The following GPC5 variants were observed in gnomAD, a reference collection of about 807,000 sequenced individuals.
GPC5 encodes the protein glypican 5, also known as glypican-5.
GPC5 carries 47 observed loss-of-function variants against 53.9 expected under a neutral mutation model. The ratio of observed to expected loss-of-function variants is 0.87; its 90% confidence interval spans 0.69 to 1.11. GPC5 has a LOEUF of 1.11. Ranked by LOEUF, GPC5 falls within the 50% of genes most tolerant of loss-of-function variation. The pLI is 0.00. For missense variants in GPC5, 748 were observed against 713.1 expected, an observed-to-expected ratio of 1.05 and a Z score of -0.56; for synonymous variants, 286 against 263.3, an observed-to-expected ratio of 1.09 and a Z score of -0.84.
chr13:91,568,939 C>T (rs1238177179), intron 2 of GPC5, among the ~76,000 whole-genome samples: 1 of 151,932 alleles, frequency 6.6e-6, no homozygotes, highest in Non-Finnish European at 1.5e-5. Flanking sequence ...GTAGTAGAAA[C>T]AGGGTTTTAC....
intron 7 of GPC5, among the ~76,000 whole-genome samples, chr13:92,219,898 C>A (rs1192695521): frequency 1.3e-5 from 2 of 152,080 alleles, no homozygotes; most frequent in African/African-American, 4.8e-5. Context: ...GCTCCTTAAG[C>A]CCCTATGCTT....
intron 4 of GPC5, among the ~76,000 whole-genome samples, chr13:91,744,243 C>G (rs1279305545): frequency 6.6e-6 from 1 of 151,994 alleles, no homozygotes; most frequent in East Asian, 1.9e-4. Context: ...GGTAACTATA[C>G]ATTAATTATT....
At chr13:91,540,641 A>G (rs1299621007) in intron 2 of GPC5, among the ~76,000 whole-genome samples, 1 of 152,232 alleles carries the variant, frequency 6.6e-6, no homozygotes, top group African/African-American at 2.4e-5. Context: ...AAGCAGTTAC[A>G]TATCTAAGAA....
chr13:92,203,078 A>G (rs2042306391), intron 7 of GPC5, among the ~76,000 whole-genome samples: 1 of 152,192 alleles, frequency 6.6e-6, no homozygotes, highest in Non-Finnish European at 1.5e-5. Flanking sequence ...TTGATGACAA[A>G]CTGGATGTGG....
At chr13:92,792,034 G>C (rs1244674559) in intron 7 of GPC5, among the ~76,000 whole-genome samples, 1 of 152,038 alleles carries the variant, frequency 6.6e-6, no homozygotes, top group African/African-American at 2.4e-5. Flanking sequence ...GGAAGGGCTA[G>C]TGATAAGGAT....
chr13:92,178,407 A>C (rs1364536493), intron 7 of GPC5, among the ~76,000 whole-genome samples: 1 of 150,854 alleles, frequency 6.6e-6, no homozygotes, highest in Non-Finnish European at 1.5e-5. Context: ...CTTGTGGCCC[A>C]TCATTTTAAT....
intron 7 of GPC5, among the ~76,000 whole-genome samples, chr13:92,745,079 CTTTA>C (rs1406826750): frequency 1.3e-5 from 2 of 151,788 alleles, no homozygotes; most frequent in African/African-American, 4.8e-5. Context: ...ATTTAGAATG[CTTTA>C]TTTGTTTAAA....
intron 7 of GPC5, among the ~76,000 whole-genome samples, chr13:92,819,766 TG>T (rs1306741131): frequency 6.6e-6 from 1 of 152,160 alleles, no homozygotes; most frequent in African/African-American, 2.4e-5. Context: ...CTATTTTATT[TG>T]GGGGGTAGAG....
intron 7 of GPC5, among the ~76,000 whole-genome samples, chr13:92,235,538 C>G (rs927873030): frequency 2.1e-4 from 32 of 151,982 alleles, no homozygotes; most frequent in Non-Finnish European, 2.9e-5. Flanking sequence ...AGTTGGATTT[C>G]GTAAATTTAA....
At chr13:91,477,158 TTATA>T (rs1004244326) in intron 2 of GPC5, among the ~76,000 whole-genome samples, 1 of 151,846 alleles carries the variant, frequency 6.6e-6, no homozygotes. Flanking sequence ...TTTCTGCAGT[TTATA>T]TATATATATC....
intron 7 of GPC5, among the ~76,000 whole-genome samples, chr13:92,154,073 T>C (rs1313488970): frequency 6.6e-6 from 1 of 152,322 alleles, no homozygotes; most frequent in East Asian, 1.9e-4. Context: ...GCTTAGCTCC[T>C]GGTGAGGCCT....
intron 7 of GPC5, among the ~76,000 whole-genome samples, chr13:92,642,327 C>G (rs1433836859): frequency 6.6e-6 from 1 of 152,156 alleles, no homozygotes; most frequent in Admixed American, 6.5e-5. Flanking sequence ...GGGCTTCTAC[C>G]TTTCATAAAA....
chr13:91,966,952 CTA>C, intron 6 of GPC5, among the ~76,000 whole-genome samples: 1 of 152,262 alleles, frequency 6.6e-6, no homozygotes, highest in Middle Eastern at 3.4e-3. Context: ...ACACTATTTC[CTA>C]TATGTTAAAG....
intron 7 of GPC5, among the ~76,000 whole-genome samples, chr13:92,864,605 T>A (rs951046497): frequency 6.6e-6 from 1 of 152,154 alleles, no homozygotes; most frequent in African/African-American, 2.4e-5. Flanking sequence ...TCATAGCTTC[T>A]TGTTAAGCTT....
chr13:92,275,611 T>C (rs1476783981), intron 7 of GPC5, among the ~76,000 whole-genome samples: 2 of 152,126 alleles, frequency 1.3e-5, no homozygotes, highest in Non-Finnish European at 2.9e-5. Flanking sequence ...TCTGAACATT[T>C]CTTTCACCCA....
At chr13:92,398,015 G>C (rs1162674088) in intron 7 of GPC5, among the ~76,000 whole-genome samples, 1 of 152,228 alleles carries the variant, frequency 6.6e-6, no homozygotes, top group Middle Eastern at 3.4e-3. Flanking sequence ...TGAGTGCAGG[G>C]GGATAGGAAA....
Position 91,763,954 on chromosome 13 carries a change from A to C in GPC5, c.1280+7534A>C, listed in dbSNP as rs191546083. On this transcript the variant is annotated intron_variant, in intron 5 of 7. Coordinates refer to ENST00000377067, the MANE Select transcript of GPC5 (RefSeq NM_004466.6). ...TTACTTTAAATCATCTCTAGACTAA[A>C]TATAGTACCTAATACAATGTAAATG... Among the ~76,000 whole-genome samples the C allele has an allele frequency of 1.8e-4, 28 of 152,292 alleles. No individual in the cohort carries two copies. The East Asian group carries it at 3.7e-3, about 20-fold the overall frequency.
intron 7 of GPC5, among the ~76,000 whole-genome samples, chr13:92,788,083 A>G (rs1454774813): frequency 6.6e-6 from 1 of 152,144 alleles, no homozygotes; most frequent in African/African-American, 2.4e-5. Context: ...CCTGTACCTG[A>G]TATTAAATTT....
At chr13:91,952,505 A>G (rs962122413) in intron 6 of GPC5, among the ~76,000 whole-genome samples, 3 of 152,134 alleles carry the variant, frequency 2.0e-5, no homozygotes, top group Non-Finnish European at 4.4e-5. Context: ...ATAAATACAA[A>G]TATCAATAAT....
Sources: gnomAD v4.1 joint callset for allele counts (sites outside exome capture counted in the v4.1 genomes callset) on GRCh38, gnomAD v4.1.1 for gene constraint, MANE v1.5 for transcripts, NCBI Gene and HGNC (gene_info 2026-07-23, HGNC 2026-07-21) for gene names.